The following RXRA variants were observed in gnomAD, a reference collection of about 807,000 sequenced individuals.
The protein encoded by RXRA is retinoic acid receptor RXR-alpha.
A neutral mutation model predicts 44.5 loss-of-function variants in RXRA; 5 were observed. The ratio of observed to expected loss-of-function variants is 0.11; its 90% CI spans 0.06 to 0.24. The LOEUF (loss-of-function observed/expected upper bound fraction) is 0.24, where lower values mean the gene tolerates loss of function less well. Ranked by LOEUF, RXRA falls within the 10% of genes least tolerant of loss-of-function variation. The pLI is 1.00. For synonymous variants in RXRA, 291 were observed against 271.4 expected, an observed-to-expected ratio of 1.07 and a Z score of -0.71; for missense variants, 412 against 646.5, an observed-to-expected ratio of 0.64 and a Z score of 3.93.
rs1054172163 is a variant in RXRA at position 134,346,356 on chromosome 9, G to A, written c.28+19697G>A. Among the ~76,000 whole-genome samples, 3 of 152,220 alleles carry A rather than the reference G, an allele frequency of 2.0e-5. No homozygotes were observed. The South Asian group carries it at 6.2e-4, about 32-fold the overall frequency. ...GCACTTGCTGTCCCCTCCCCCAAAT[G>A]CCCTTCTGCCGTTGCCCCTTCAGGT... On this transcript the variant is annotated intron_variant, in intron 1 of 9. Transcript: ENST00000481739.
intron 4 of RXRA, among the ~76,000 whole-genome samples, chr9:134,415,843 G>C (rs1411224475): frequency 6.6e-6 from 1 of 152,242 alleles, no homozygotes; most frequent in African/African-American, 2.4e-5. Flanking sequence ...GCGTGGAGCT[G>C]TGCTGGACAG....
At chr9:134,338,615 C>T (rs539921548) in intron 1 of RXRA, among the ~76,000 whole-genome samples, 3 of 152,214 alleles carry the variant, frequency 2.0e-5, no homozygotes, top group Admixed American at 6.5e-5. Flanking sequence ...TGATGCTTGC[C>T]GGCTGCTGGT....
intron 1 of RXRA, chr9:134,380,252 G>T: frequency 1.1e-6 from 1 of 936,726 alleles, no homozygotes; most frequent in South Asian, 4.9e-5. Context: ...ATGGGAGTGG[G>T]GGTGGCCGGG....
chr9:134,369,024 A>G (rs1314812830), intron 1 of RXRA, among the ~76,000 whole-genome samples: 15 of 23,834 alleles, frequency 6.3e-4, no homozygotes, highest in Admixed American at 1.3e-3. Flanking sequence ...GGGGGGGGTT[A>G]TGTGTGTGTG....
At chr9:134,419,000 G>A (rs1183346819) in intron 5 of RXRA, among the ~76,000 whole-genome samples, 5 of 152,222 alleles carry the variant, frequency 3.3e-5, no homozygotes, top group African/African-American at 7.2e-5. Flanking sequence ...GTGCCCCCAC[G>A]TCCCCGGCTC....
At chr9:134,415,156 C>T (rs531459730) in intron 4 of RXRA, among the ~76,000 whole-genome samples, 2 of 152,346 alleles carry the variant, frequency 1.3e-5, no homozygotes, top group East Asian at 1.9e-4. Flanking sequence ...CCTGAGTCTC[C>T]CTGTGTGGGC....
Position 134,408,171 on chromosome 9 carries a change from TCAG to T in RXRA, c.310_312del (p.Ser104del). On this transcript the variant is annotated inframe_deletion, in exon 3 of 10. Coordinates refer to ENST00000481739, the MANE Select transcript of RXRA (RefSeq NM_002957.6). Reference sequence around the variant, plus strand: ...CAGCTCAGCTCACCTATGAACCCCGTCAGCAGCAGCGAGGACATCAAGCCCCCC... The same window carrying T: ...CAGCTCAGCTCACCTATGAACCCCGTCAGCAGCGAGGACATCAAGCCCCCC... 2 of 1,586,184 alleles carry T rather than the reference TCAG, an allele frequency of 1.3e-6. No individual in the cohort carries two copies. The highest frequency in any genetic ancestry group is 1.1e-5 in the South Asian group (1 of 87,124).
intron 7 of RXRA, 51 bp from the exon 8 acceptor site, chr9:134,431,854 G>T (rs750546397): frequency 2.8e-6 from 4 of 1,438,434 alleles, no homozygotes; most frequent in Admixed American, 1.7e-5. Flanking sequence ...TGTGGCCCTG[G>T]TGAGGGCTGC....
chr9:134,431,108 C>T (rs1342387251), intron 7 of RXRA, among the ~76,000 whole-genome samples: 2 of 152,260 alleles, frequency 1.3e-5, no homozygotes, highest in Admixed American at 6.5e-5. Context: ...AGCCCAGGCT[C>T]CTTAGGCAAC....
intron 1 of RXRA, among the ~76,000 whole-genome samples, chr9:134,382,134 G>T (rs964728601): frequency 6.7e-6 from 1 of 148,748 alleles, no homozygotes; most frequent in East Asian, 2.0e-4. Context: ...GTGGGGGGGC[G>T]CAGGGCAGTG....
chr9:134,380,212 G>C, intron 1 of RXRA: 2 of 981,660 alleles, frequency 2.0e-6, no homozygotes, highest in Non-Finnish European at 2.4e-6. Flanking sequence ...GAGGTGGCGT[G>C]CCGGCCCCGT....
chr9:134,393,994 A>G (rs1307176439), intron 1 of RXRA, among the ~76,000 whole-genome samples: 1 of 151,140 alleles, frequency 6.6e-6, no homozygotes, highest in Non-Finnish European at 1.5e-5. Flanking sequence ...GACCCAAAAC[A>G]CCATCCCCTT....
At chr9:134,332,443 G>A (rs1378121410) in intron 1 of RXRA, among the ~76,000 whole-genome samples, 1 of 151,998 alleles carries the variant, frequency 6.6e-6, no homozygotes, top group African/African-American at 2.4e-5. Flanking sequence ...CTGGGGAGGC[G>A]GGGATTGCTG....
At chr9:134,357,525 A>T (rs1004716204) in intron 1 of RXRA, among the ~76,000 whole-genome samples, 2 of 152,046 alleles carry the variant, frequency 1.3e-5, no homozygotes, top group South Asian at 4.1e-4. Context: ...CCACGCCACG[A>T]GCACAGTGGG....
At chr9:134,411,167 C>A (rs1275783976) in intron 4 of RXRA, among the ~76,000 whole-genome samples, 1 of 152,190 alleles carries the variant, frequency 6.6e-6, no homozygotes, top group East Asian at 1.9e-4. Flanking sequence ...CCTTTCTGAG[C>A]CCCGTCCCGG....
chr9:134,355,894 G>A (rs1165348109), intron 1 of RXRA, among the ~76,000 whole-genome samples: 1 of 152,202 alleles, frequency 6.6e-6, no homozygotes, highest in Non-Finnish European at 1.5e-5. Flanking sequence ...GTGGGTCAGA[G>A]GCTTTGAGGA....
intron 1 of RXRA, chr9:134,379,480 A>G (rs1830607756): frequency 7.7e-5 from 76 of 986,558 alleles, no homozygotes; most frequent in Non-Finnish European, 9.0e-5. Flanking sequence ...GGCCCCCAGG[A>G]CCGAGTCGCT....
At chr9:134,354,392 G>C (rs559500820) in intron 1 of RXRA, among the ~76,000 whole-genome samples, 1 of 152,350 alleles carries the variant, frequency 6.6e-6, no homozygotes, top group East Asian at 1.9e-4. Flanking sequence ...CAGTGTTGGC[G>C]TGAGGAGGTG....
intron 1 of RXRA, among the ~76,000 whole-genome samples, chr9:134,336,401 C>T (rs905812129): frequency 6.6e-6 from 1 of 152,222 alleles, no homozygotes; most frequent in Admixed American, 6.5e-5. Context: ...CAATGGCATG[C>T]TCACAGCCCG....
Sources: gnomAD v4.1 joint callset for allele counts (sites outside exome capture counted in the v4.1 genomes callset) on GRCh38, gnomAD v4.1.1 for gene constraint, MANE v1.5 for transcripts, NCBI Gene and HGNC (gene_info 2026-07-23, HGNC 2026-07-21) for gene names.